SLAMF1: variants seen among roughly 807,000 people sequenced by gnomAD.
SLAMF1 encodes signaling lymphocytic activation molecule.
Under a neutral mutation model 35.1 loss-of-function variants are expected in SLAMF1, and 18 were observed. That is an observed-to-expected ratio of 0.51 (90% CI 0.35 to 0.76). SLAMF1 has a LOEUF of 0.76. SLAMF1 is among the 30% of genes least tolerant of loss of function. The pLI is 0.01. For synonymous variants in SLAMF1, 168 were observed against 157.2 expected, an observed-to-expected ratio of 1.07 and a Z score of -0.51; for missense variants, 392 against 413.0, an observed-to-expected ratio of 0.95 and a Z score of 0.44.
chr1:160,635,455 G>T (rs1457557594), intron 2 of SLAMF1, among the ~76,000 whole-genome samples: 2 of 152,096 alleles, frequency 1.3e-5, no homozygotes, highest in Non-Finnish European at 2.9e-5. Flanking sequence ...ATAACCATAG[G>T]CCTCATCAAT....
At position 160,610,410 on chromosome 1, in the gene SLAMF1, T is replaced by C. The variant is rs1658916811; in HGVS notation, c.*338A>G. 2.1e-6 allele frequency: 1 copy of C among 474,756 alleles called. No individual in the cohort carries two copies. Among genetic ancestry groups the C allele is most frequent in the Non-Finnish European group, 4.2e-6 (1 of 239,422 alleles). The allele number at this position is 474,756 out of a possible 1,614,324, so 29.4% of individuals were successfully genotyped here. ...CAGATGTCCTGGCTTTCAGTCTGAT[T>C]TTTATTATCCAGTTCCAGCCAAGAG... On this transcript the variant is annotated 3_prime_UTR_variant, in exon 7 of 7. Coordinates refer to ENST00000302035, the MANE Select transcript of SLAMF1 (RefSeq NM_003037.5).
chr1:160,639,946 C>T (rs1660652151), intron 1 of SLAMF1, among the ~76,000 whole-genome samples: 1 of 152,008 alleles, frequency 6.6e-6, no homozygotes, highest in Admixed American at 6.6e-5. Flanking sequence ...TTTGCTGTTC[C>T]TCTCTCTGAA....
intron 3 of SLAMF1, among the ~76,000 whole-genome samples, chr1:160,626,605 C>T (rs1190824868): frequency 6.6e-6 from 1 of 152,116 alleles, no homozygotes; most frequent in Non-Finnish European, 1.5e-5. Context: ...ATTTTGAGGA[C>T]ACTGAGACAC....
At chr1:160,618,904 G>A (rs1376670748) in intron 5 of SLAMF1, among the ~76,000 whole-genome samples, 3 of 152,146 alleles carry the variant, frequency 2.0e-5, no homozygotes, top group Admixed American at 6.5e-5. Context: ...GTTGGGGGAA[G>A]GATGGAGCTG....
At chr1:160,630,034 G>T (rs1024347921) in intron 3 of SLAMF1, among the ~76,000 whole-genome samples, 3 of 152,202 alleles carry the variant, frequency 2.0e-5, no homozygotes, top group African/African-American at 7.2e-5. Flanking sequence ...ACTCAGAGGT[G>T]CTGAGCCAGC....
chr1:160,643,638 C>T (rs1660875932), intron 1 of SLAMF1, among the ~76,000 whole-genome samples: 1 of 152,180 alleles, frequency 6.6e-6, no homozygotes, highest in Admixed American at 6.5e-5. Flanking sequence ...AAAATTGATA[C>T]ATAATAGATG....
intron 3 of SLAMF1, among the ~76,000 whole-genome samples, chr1:160,625,629 C>A (rs1659836561): frequency 6.6e-6 from 1 of 152,116 alleles, no homozygotes; most frequent in African/African-American, 2.4e-5. Context: ...AGGTTCTATC[C>A]CCTAAATTAA....
chr1:160,611,120 T>C (rs1016544703), intron 6 of SLAMF1, among the ~76,000 whole-genome samples: 4 of 152,226 alleles, frequency 2.6e-5, no homozygotes, highest in Non-Finnish European at 5.9e-5. Context: ...GTTTTGCTGT[T>C]ACATATGGGT....
intron 2 of SLAMF1, 91 bp downstream of exon 2, chr1:160,637,100 G>A (rs748655327): frequency 5.5e-5 from 44 of 797,320 alleles, no homozygotes; most frequent in Non-Finnish European, 9.1e-5. Context: ...TTCCAATTCT[G>A]AATACCCTTT....
chr1:160,630,929 G>A (rs1307938471), intron 3 of SLAMF1, among the ~76,000 whole-genome samples: 1 of 151,940 alleles, frequency 6.6e-6, no homozygotes, highest in African/African-American at 2.4e-5. Context: ...CACATTCTCT[G>A]GGATGCTCTC....
chr1:160,636,165 C>T (rs1660445105), intron 2 of SLAMF1, among the ~76,000 whole-genome samples: 1 of 152,206 alleles, frequency 6.6e-6, no homozygotes, highest in Non-Finnish European at 1.5e-5. Context: ...GGCATCCACA[C>T]CGTTTTGGAA....
At chr1:160,631,758 G>T (rs146858039) in intron 3 of SLAMF1, among the ~76,000 whole-genome samples, 2 of 152,156 alleles carry the variant, frequency 1.3e-5, no homozygotes, top group Non-Finnish European at 2.9e-5. Context: ...AAGCTAAGGC[G>T]AGAGGCCTCA....
At chr1:160,632,502 A>G (rs901910418) in intron 3 of SLAMF1, among the ~76,000 whole-genome samples, 1 of 152,148 alleles carries the variant, frequency 6.6e-6, no homozygotes, top group Non-Finnish European at 1.5e-5. Flanking sequence ...GGGTAAGTCC[A>G]TCTTCACATG....
At chr1:160,614,758 CCTATTAAGA>C in intron 5 of SLAMF1, among the ~76,000 whole-genome samples, 1 of 152,150 alleles carries the variant, frequency 6.6e-6, no homozygotes. Context: ...CACCCATAGT[CCTATTAAGA>C]CTCTGTGTGT....
Position 160,608,433 on chromosome 1 carries a change from C to T in SLAMF1, c.*2315G>A, listed in dbSNP as rs1658811000. ...TTAAGTCTGAGGAAAAGGCAAGCTC[C>T]CGCTCCCCATAGTGCCATTTGGGGG... On this transcript the variant is annotated 3_prime_UTR_variant, in exon 7 of 7. Coordinates refer to ENST00000302035, the MANE Select transcript of SLAMF1 (RefSeq NM_003037.5). 1 of 152,250 alleles carries T rather than the reference C, an allele frequency of 6.6e-6. No individual in the cohort carries two copies. The highest frequency in any genetic ancestry group is 1.5e-5 in the Non-Finnish European group (1 of 68,072). 9.4% of individuals were successfully genotyped at this position (152,250 alleles called of 1,614,324 possible).
At chr1:160,634,581 G>A (rs746159860) in intron 3 of SLAMF1, 32 bp downstream of exon 3, 31 of 1,563,156 alleles carry the variant, frequency 2.0e-5, no homozygotes, top group Non-Finnish European at 2.7e-5. Context: ...TGCTCATTAA[G>A]GTGGCACACA....
intron 1 of SLAMF1, among the ~76,000 whole-genome samples, chr1:160,640,087 C>T (rs1229728360): frequency 6.6e-6 from 1 of 152,010 alleles, no homozygotes; most frequent in Admixed American, 6.6e-5. Flanking sequence ...TCTTTCTGCA[C>T]TTATCACTGC....
rs56714804 is a variant in SLAMF1, at chr1:160,640,360, A to ATATATATATG, written c.77-2832_77-2831insCATATATATA. On this transcript the variant is annotated intron_variant, in intron 1 of 6. Transcript: ENST00000302035. ...TATATATATATATATATATATATAT[A>ATATATATATG]CACACACACACACACATATATATAT... 3.4e-5 allele frequency among the ~76,000 whole-genome samples: 4 copies of ATATATATATG among 118,582 alleles called. No individual in the cohort carries two copies. The East Asian group carries it at 8.6e-4, about 25-fold the overall frequency. 77.8% of individuals were successfully genotyped at this position (118,582 alleles called of 152,430 possible). A position where few individuals can be genotyped will look rare whatever the true frequency, so the allele number is the denominator to read the frequency against.
At chr1:160,645,428 T>A (rs530262267) in intron 1 of SLAMF1, among the ~76,000 whole-genome samples, 1 of 152,352 alleles carries the variant, frequency 6.6e-6, no homozygotes, top group East Asian at 1.9e-4. Flanking sequence ...CTTGTGGGGC[T>A]GGGTTGCTTC....
Sources: gnomAD v4.1 joint callset for allele counts (sites outside exome capture counted in the v4.1 genomes callset) on GRCh38, gnomAD v4.1.1 for gene constraint, MANE v1.5 for transcripts, NCBI Gene and HGNC (gene_info 2026-07-23, HGNC 2026-07-21) for gene names.